The following LIMA1 variants were observed in gnomAD, a reference collection of about 807,000 sequenced individuals.
LIMA1 encodes LIM domain and actin binding 1.
In LIMA1, 52 loss-of-function variants were observed where a neutral mutation model predicts 62.6. The ratio of observed to expected loss-of-function variants is 0.83; its 90% CI spans 0.67 to 1.05. LIMA1 has a LOEUF of 1.05. LIMA1 is among the 50% of genes least tolerant of loss of function. The pLI, the probability that LIMA1 is intolerant of heterozygous loss-of-function variation, is 0.00. For missense variants in LIMA1, 780 were observed against 902.2 expected (o/e 0.86, Z 1.74); for synonymous variants, 302 against 317.8 (o/e 0.95, Z 0.53).
chr12:50,211,318 C>A (rs561988803), intron 4 of LIMA1, among the ~76,000 whole-genome samples: 1 of 143,806 alleles, frequency 7.0e-6, no homozygotes, highest in South Asian at 2.2e-4. Context: ...AGCGAAACTC[C>A]GCCCCACCCC....
At position 50,194,294 on chromosome 12, in the gene LIMA1, C is replaced by CAT. The variant is rs200096514; in HGVS notation, c.1030+1534_1030+1535dup. Among the ~76,000 whole-genome samples the CAT allele has an allele frequency of 9.6e-3, 1,378 of 143,674 alleles. 20 individuals carry two copies. The highest frequency in any genetic ancestry group is 0.033 in the African/African-American group (1,269 of 38,532). 94.3% of individuals were successfully genotyped at this position (143,674 alleles called of 152,430 possible). ...GTGAGCCACCGTGCCTGGCCAGCAA[C>CAT]ATATATATATATTTTGTTTTGAGTC... On this transcript the variant is annotated intron_variant, in intron 8 of 10. Coordinates refer to ENST00000341247, the MANE Select transcript of LIMA1 (RefSeq NM_016357.5).
chr12:50,252,530 G>T (rs1225124825), intron 1 of LIMA1, among the ~76,000 whole-genome samples: 2 of 140,828 alleles, frequency 1.4e-5, no homozygotes, highest in Non-Finnish European at 3.0e-5. Context: ...GCAGTGAGCC[G>T]AGATTGCACC....
At chr12:50,209,086 G>C (rs1198926318) in intron 4 of LIMA1, among the ~76,000 whole-genome samples, 1 of 151,018 alleles carries the variant, frequency 6.6e-6, no homozygotes, top group African/African-American at 2.4e-5. Context: ...GCCTCCCAAG[G>C]TGCTGGGATT....
chr12:50,281,596 A>G (rs1942340605), intron 1 of LIMA1, among the ~76,000 whole-genome samples: 1 of 151,992 alleles, frequency 6.6e-6, no homozygotes, highest in Admixed American at 6.5e-5. Context: ...GGACTACCTG[A>G]TAACAACACT....
chr12:50,236,750 ACACACG>A (rs1183729303), intron 2 of LIMA1, among the ~76,000 whole-genome samples: 1 of 151,902 alleles, frequency 6.6e-6, no homozygotes, highest in Non-Finnish European at 1.5e-5. Context: ...ACACACACAC[ACACACG>A]CACACGCACA....
intron 3 of LIMA1, among the ~76,000 whole-genome samples, chr12:50,226,428 C>T (rs149575923): frequency 8.7e-4 from 132 of 152,296 alleles, no homozygotes; most frequent in African/African-American, 2.9e-3. Flanking sequence ...ACTATAGCAT[C>T]TGACATTACT....
chr12:50,222,651 C>T (rs775085324), intron 3 of LIMA1, 166 bp from the exon 4 acceptor site: 59 of 1,527,218 alleles, frequency 3.9e-5, no homozygotes, highest in Non-Finnish European at 4.6e-5. Context: ...AGCATCCACC[C>T]GGCAGAGGGA....
chr12:50,191,747 G>A (rs1940778075), intron 9 of LIMA1, among the ~76,000 whole-genome samples: 3 of 152,154 alleles, frequency 2.0e-5, no homozygotes, highest in South Asian at 2.1e-4. Flanking sequence ...GCGTGAACCC[G>A]GGAGGCGGAG....
intron 5 of LIMA1, among the ~76,000 whole-genome samples, chr12:50,205,280 C>G (rs1194075718): frequency 6.6e-6 from 1 of 151,322 alleles, no homozygotes. Flanking sequence ...TCTATGTTGC[C>G]CAGGCTGGTC....
At chr12:50,221,792 A>G (rs1941446363) in intron 4 of LIMA1, among the ~76,000 whole-genome samples, 1 of 152,226 alleles carries the variant, frequency 6.6e-6, no homozygotes, top group Non-Finnish European at 1.5e-5. Context: ...ATTTCTAGAT[A>G]CCAATTTGAA....
At chr12:50,253,382 C>T (rs1316768692) in intron 1 of LIMA1, among the ~76,000 whole-genome samples, 1 of 152,178 alleles carries the variant, frequency 6.6e-6, no homozygotes, top group African/African-American at 2.4e-5. Flanking sequence ...AATTGAGATT[C>T]AGACATATTA....
At chr12:50,246,657 G>A (rs1381091815) in intron 2 of LIMA1, among the ~76,000 whole-genome samples, 2 of 152,096 alleles carry the variant, frequency 1.3e-5, no homozygotes, top group African/African-American at 4.8e-5. Context: ...CCTAACCTTA[G>A]CAGAGCATCC....
chr12:50,198,149 A>AT (rs1186861958), intron 7 of LIMA1, among the ~76,000 whole-genome samples: 1 of 152,060 alleles, frequency 6.6e-6, no homozygotes, highest in Non-Finnish European at 1.5e-5. Context: ...GTTTGAGACC[A>AT]TTTTTCTGTG....
chr12:50,220,352 G>A (rs918379337), intron 4 of LIMA1, among the ~76,000 whole-genome samples: 2 of 151,996 alleles, frequency 1.3e-5, no homozygotes, highest in Non-Finnish European at 2.9e-5. Context: ...GAGCCACCAC[G>A]CCCGGACTAG....
At chr12:50,258,845 A>T (rs976126679) in intron 1 of LIMA1, among the ~76,000 whole-genome samples, 6 of 150,022 alleles carry the variant, frequency 4.0e-5, no homozygotes, top group African/African-American at 1.5e-4. Flanking sequence ...ACAGGGTTTC[A>T]CCATGTTGGC....
At chr12:50,261,655 C>T (rs188421598) in intron 1 of LIMA1, among the ~76,000 whole-genome samples, 1 of 152,184 alleles carries the variant, frequency 6.6e-6, no homozygotes, top group African/African-American at 2.4e-5. Flanking sequence ...TAGACCTATC[C>T]CTACCTGATC....
At chr12:50,267,712 G>T (rs1445505748) in intron 1 of LIMA1, among the ~76,000 whole-genome samples, 1 of 150,940 alleles carries the variant, frequency 6.6e-6, no homozygotes, top group Non-Finnish European at 1.5e-5. Context: ...TAGAGGCGGG[G>T]TTTCACCATG....
At chr12:50,266,063 G>A (rs1048096859) in intron 1 of LIMA1, among the ~76,000 whole-genome samples, 2 of 152,154 alleles carry the variant, frequency 1.3e-5, no homozygotes, top group Admixed American at 1.3e-4. Flanking sequence ...CAATGCTATG[G>A]AAATACACAA....
chr12:50,249,951 C>T (rs1941905623), intron 1 of LIMA1: 1 of 152,100 alleles, frequency 6.6e-6, no homozygotes, highest in South Asian at 2.1e-4. Context: ...CTGTAGAACA[C>T]AGAGAGTATT....
Sources: gnomAD v4.1 joint callset for allele counts (sites outside exome capture counted in the v4.1 genomes callset) on GRCh38, gnomAD v4.1.1 for gene constraint, MANE v1.5 for transcripts, NCBI Gene and HGNC (gene_info 2026-07-23, HGNC 2026-07-21) for gene names.